Variants in BMS1 observed in about 807,000 individuals in gnomAD.
BMS1 encodes the protein ribosome biogenesis protein BMS1 homolog.
BMS1 carries 53 observed loss-of-function variants against 138.7 expected under a neutral mutation model. That is an observed-to-expected ratio of 0.38 (90% CI 0.31 to 0.48). The LOEUF is 0.48. Ranked by LOEUF, BMS1 falls within the 20% of genes least tolerant of loss-of-function variation. The pLI is 0.97. For missense variants in BMS1, 1,360 were observed against 1,565.5 expected (o/e 0.87, Z 2.22); for synonymous variants, 504 against 539.9 (o/e 0.93, Z 0.92).
chr10:42,806,511 C>T (rs1454731359), intron 13 of BMS1, among the ~76,000 whole-genome samples: 2 of 151,786 alleles, frequency 1.3e-5, no homozygotes, highest in Non-Finnish European at 2.9e-5. Context: ...CTGAGGCGGG[C>T]GGATCACGAG....
At chr10:42,790,794 G>A (rs1841481623) in intron 5 of BMS1, among the ~76,000 whole-genome samples, 1 of 151,962 alleles carries the variant, frequency 6.6e-6, no homozygotes, top group Non-Finnish European at 1.5e-5. Flanking sequence ...AGGGTGCAGT[G>A]AGCTGAGATC....
intron 4 of BMS1, among the ~76,000 whole-genome samples, chr10:42,789,131 G>A (rs1325538029): frequency 1.3e-5 from 2 of 152,006 alleles, no homozygotes; most frequent in East Asian, 3.9e-4. Context: ...AATAACACTG[G>A]CTTAGATGAC....
chr10:42,797,706 A>G (rs752895395), intron 11 of BMS1, among the ~76,000 whole-genome samples, 183 bp downstream of exon 11: 1 of 152,182 alleles, frequency 6.6e-6, no homozygotes, highest in Non-Finnish European at 1.5e-5. Context: ...TATAAAGTAG[A>G]CTTATGGGTT....
chr10:42,796,477 A>G lies in BMS1; in HGVS notation c.1233A>G (p.Leu411=). The G allele has an allele frequency of 6.2e-7, 1 of 1,610,724 alleles. No homozygotes were observed. The highest frequency in any genetic ancestry group is 1.7e-5 in the Admixed American group (1 of 59,914). Residue 411 remains leucine (L), a synonymous_variant, in exon 10 of 23, where the codon CTA becomes CTG. Transcript: ENST00000374518. ...LGSEDIDNQG[L]MMPKEEKQMD... ...TTGTATTTCCTTGGTAATACAGGCT[A>G]ATGATGCCAAAGGAGGAAAAACAAA...
At chr10:42,825,900 G>A (rs1325892609) in intron 21 of BMS1, among the ~76,000 whole-genome samples, 1 of 152,002 alleles carries the variant, frequency 6.6e-6, no homozygotes, top group Non-Finnish European at 1.5e-5. Context: ...GTAGACTGTG[G>A]GTTTTTCATA....
Position 42,831,211 on chromosome 10 carries a change from A to G in BMS1, c.*115A>G. On this transcript the variant is annotated 3_prime_UTR_variant, in exon 23 of 23. Coordinates refer to ENST00000374518, the MANE Select transcript of BMS1 (RefSeq NM_014753.4). ...GGGAAAGAGCTCAAGAGATGTCTCT[A>G]CTCAAACTGTGCCTGCAGGAGGAGG... is the stretch of plus-strand genomic sequence containing the variant. 9.0e-7 allele frequency: 1 copy of G among 1,115,116 alleles called. No homozygotes were observed. Among genetic ancestry groups the G allele is most frequent in the South Asian group, 1.7e-5 (1 of 60,318 alleles). 69.1% of individuals were successfully genotyped at this position (1,115,116 alleles called of 1,614,324 possible). A position where few individuals can be genotyped will look rare whatever the true frequency, so the allele number is the denominator to read the frequency against.
At chr10:42,788,925 T>C (rs1038794876) in intron 4 of BMS1, among the ~76,000 whole-genome samples, 1 of 152,244 alleles carries the variant, frequency 6.6e-6, no homozygotes, top group Non-Finnish European at 1.5e-5. Context: ...ATAATGTATT[T>C]TGGAGGTATA....
rs762582557 is a variant in BMS1, at chr10:42,823,805, A to C, written c.3456+21A>C. 17 of 1,518,242 alleles carry C rather than the reference A, an allele frequency of 1.1e-5. No individual in the cohort carries two copies. In the African/African-American group the frequency reaches 2.2e-4, roughly 20 times the overall value. The allele number at this position is 1,518,242 out of a possible 1,614,324, so 94.0% of individuals were successfully genotyped here. On this transcript the variant is annotated intron_variant, in intron 21 of 22. Transcript: ENST00000374518. ...ATAAGGTACTGGTCGCGTGTGTGTT[A>C]GTGGAGATGAAGCCTGTGCTCTACA...
intron 21 of BMS1, among the ~76,000 whole-genome samples, chr10:42,824,885 C>T (rs1842594905): frequency 6.6e-6 from 1 of 152,144 alleles, no homozygotes; most frequent in Non-Finnish European, 1.5e-5. Flanking sequence ...GTTTTGATTA[C>T]TATAGCTTTG....
In BMS1 at chr10:42,820,967, C is replaced by T. The variant is rs763663032; in HGVS notation, c.2984C>T (p.Ala995Val). 2.5e-6 allele frequency: 4 copies of T among 1,599,310 alleles called. No homozygotes were observed. The highest frequency in any genetic ancestry group is 3.4e-6 in the Non-Finnish European group (4 of 1,176,590). ...ACTCCACAGGGAACTGGTTTCTTGGCAATACAGTCTGTCAGTGGCATAATG... is the reference window on the plus strand; with the variant it reads ...ACTCCACAGGGAACTGGTTTCTTGGTAATACAGTCTGTCAGTGGCATAATG... ...PITPQGTGFL[A>V]IQSVSGIMPD... The change falls in exon 18 of 23, where the codon GCA becomes GTA. Residue 995 changes from alanine to valine, a missense_variant. Physicochemically the swap from Ala to Val is moderately conservative, Grantham distance 64 (BLOSUM62 0). Coordinates refer to ENST00000374518, the MANE Select transcript of BMS1 (RefSeq NM_014753.4).
In BMS1 at chr10:42,833,373, C is replaced by G. The variant is rs181530913; in HGVS notation, c.*2277C>G. On this transcript the variant is annotated 3_prime_UTR_variant, in exon 23 of 23. Transcript: ENST00000374518. ...AGGTTAGTAAAATACAGTCACACAT[C>G]AGTTAAGGATGGGGATATATTCTGA... The G allele has an allele frequency of 6.6e-6, 1 of 152,326 alleles. No homozygotes were observed. Among genetic ancestry groups the G allele is most frequent in the Non-Finnish European group, 1.5e-5 (1 of 68,028 alleles). 9.4% of individuals were successfully genotyped at this position (152,326 alleles called of 1,614,324 possible). A position where few individuals can be genotyped will look rare whatever the true frequency, so the allele number is the denominator to read the frequency against.
intron 6 of BMS1, 126 bp downstream of exon 6, chr10:42,791,895 T>C: frequency 1.7e-6 from 2 of 1,202,976 alleles, no homozygotes; most frequent in Non-Finnish European, 2.3e-6. Flanking sequence ...GTGTAGTTGA[T>C]GGAAAATGTC....
intron 12 of BMS1, among the ~76,000 whole-genome samples, chr10:42,801,016 C>T (rs1016817086): frequency 6.6e-6 from 1 of 152,178 alleles, no homozygotes; most frequent in African/African-American, 2.4e-5. Context: ...CTCCTGAGTC[C>T]TTATGTTACA....
intron 13 of BMS1, among the ~76,000 whole-genome samples, chr10:42,803,108 A>G (rs565068457): frequency 9.2e-5 from 14 of 152,264 alleles, no homozygotes; most frequent in Middle Eastern, 6.8e-3. Flanking sequence ...TGCAGCCTCA[A>G]CCTCGCAGAC....
chr10:42,798,366 A>G lies in BMS1; in HGVS notation c.2090-102A>G, dbSNP rs115243824. ...ATACCCACCACAGACAGAGTCCCTC[A>G]GTTCCTGAGTTCAAAGACTCATGGC... On this transcript the variant is annotated intron_variant, in intron 11 of 22. Transcript: ENST00000374518. The G allele has an allele frequency of 5.6e-4, 791 of 1,418,700 alleles. 5 individuals are homozygous for G. In the African/African-American group the frequency reaches 0.01, roughly 18 times the overall value. 87.9% of individuals were successfully genotyped at this position (1,418,700 alleles called of 1,614,324 possible). A position where few individuals can be genotyped will look rare whatever the true frequency, so the allele number is the denominator to read the frequency against.
chr10:42,817,536 C>G (rs111566667), intron 15 of BMS1, 42 bp downstream of exon 15: 7 of 1,555,282 alleles, frequency 4.5e-6, no homozygotes, highest in African/African-American at 1.4e-5. Context: ...TCAAGACTAT[C>G]ATATAGCGCA....
chr10:42,829,108 T>A (rs1462436541), intron 21 of BMS1, among the ~76,000 whole-genome samples: 3 of 152,186 alleles, frequency 2.0e-5, no homozygotes, highest in Non-Finnish European at 1.5e-5. Flanking sequence ...TAACAGTATT[T>A]ATGAGGCAGT....
At chr10:42,820,855 A>C in intron 17 of BMS1, 79 bp from the exon 18 acceptor site, 1 of 1,299,630 alleles carries the variant, frequency 7.7e-7, no homozygotes, top group Non-Finnish European at 1.1e-6. Context: ...ATCCAAATCT[A>C]AATGTCCATA....
intron 13 of BMS1, among the ~76,000 whole-genome samples, chr10:42,808,496 TCA>T (rs1842078069): frequency 6.6e-6 from 1 of 151,910 alleles, no homozygotes; most frequent in South Asian, 2.1e-4. Flanking sequence ...AGACGGGGTT[TCA>T]CAGTGTTTGC....
Sources: gnomAD v4.1 joint callset for allele counts (sites outside exome capture counted in the v4.1 genomes callset) on GRCh38, gnomAD v4.1.1 for gene constraint, MANE v1.5 for transcripts, NCBI Gene and HGNC (gene_info 2026-07-23, HGNC 2026-07-21) for gene names.